The following MYOZ2 variants were observed in gnomAD, a reference collection of about 807,000 sequenced individuals.
MYOZ2 encodes the protein myozenin-2.
Under a neutral mutation model 25.4 loss-of-function variants are expected in MYOZ2, and 19 were observed. The observed-to-expected ratio is 0.75, with a 90% CI of 0.52 to 1.10. The LOEUF (loss-of-function observed/expected upper bound fraction) is 1.10. MYOZ2 is among the 50% of genes least tolerant of loss of function. The probability of loss-of-function intolerance (pLI) is 0.00; values close to 1 mark genes in which losing one functional copy is unlikely to be tolerated. For synonymous variants in MYOZ2, 92 were observed against 106.9 expected, an observed-to-expected ratio of 0.86 and a Z score of 0.86; for missense variants, 270 against 317.9, an observed-to-expected ratio of 0.85 and a Z score of 1.15.
At chr4:119,159,821 T>A (rs1415210170) in intron 4 of MYOZ2, among the ~76,000 whole-genome samples, 1 of 152,102 alleles carries the variant, frequency 6.6e-6, no homozygotes, top group Non-Finnish European at 1.5e-5. Context: ...ATGAGCACGA[T>A]GAGAAAAACT....
At chr4:119,183,670 A>G (rs1297323857) in intron 5 of MYOZ2, among the ~76,000 whole-genome samples, 1 of 152,122 alleles carries the variant, frequency 6.6e-6, no homozygotes, top group Non-Finnish European at 1.5e-5. Context: ...TTTTAATCCA[A>G]TTTATCAGCA....
intron 4 of MYOZ2, 55 bp downstream of exon 4, chr4:119,158,206 G>T: frequency 6.3e-7 from 1 of 1,589,386 alleles, no homozygotes; most frequent in South Asian, 1.1e-5. Context: ...CTAATGATAT[G>T]ACTCAAGGCA....
chr4:119,184,509 C>G (rs1742253965), intron 5 of MYOZ2, among the ~76,000 whole-genome samples: 1 of 152,186 alleles, frequency 6.6e-6, no homozygotes, highest in Non-Finnish European at 1.5e-5. Context: ...GTGATTCTAT[C>G]TGAAATAACT....
At chr4:119,143,951 T>C (rs547300135) in intron 2 of MYOZ2, among the ~76,000 whole-genome samples, 1 of 152,360 alleles carries the variant, frequency 6.6e-6, no homozygotes, top group East Asian at 1.9e-4. Flanking sequence ...TGTTAAGATG[T>C]AATACAGGGC....
rs576994942 is a variant in MYOZ2 at position 119,160,135 on chromosome 4, C to T, written c.376+1984C>T. On this transcript the variant is annotated intron_variant, in intron 4 of 5. Coordinates refer to ENST00000307128, the MANE Select transcript of MYOZ2 (RefSeq NM_016599.5). Reference sequence around the variant, plus strand: ...ATCTGTAAAATAGAGAAAGAAATCTCGCTTTACAGGGTCACTGTGCAAAGT... The same window carrying T: ...ATCTGTAAAATAGAGAAAGAAATCTTGCTTTACAGGGTCACTGTGCAAAGT... Among the ~76,000 whole-genome samples, 55 of 152,246 alleles carry T rather than the reference C, an allele frequency of 3.6e-4. No homozygotes were observed. In the South Asian group the frequency reaches 0.011, roughly 31 times the overall value.
At chr4:119,144,486 G>A (rs1035850038) in intron 2 of MYOZ2, among the ~76,000 whole-genome samples, 1 of 152,086 alleles carries the variant, frequency 6.6e-6, no homozygotes, top group African/African-American at 2.4e-5. Flanking sequence ...AGTATTGCAG[G>A]GTAGTTCTGC....
intron 2 of MYOZ2, among the ~76,000 whole-genome samples, chr4:119,147,168 T>A (rs1436428617): frequency 6.6e-6 from 1 of 152,208 alleles, no homozygotes; most frequent in Admixed American, 6.5e-5. Context: ...CAATCTGACA[T>A]CAATTGATGT....
intron 5 of MYOZ2, among the ~76,000 whole-genome samples, chr4:119,167,362 G>A (rs1741845595): frequency 6.6e-6 from 1 of 152,184 alleles, no homozygotes; most frequent in Non-Finnish European, 1.5e-5. Context: ...ACTTTATGAA[G>A]GCTTAGAGAG....
rs148393796 is a variant in MYOZ2 at position 119,148,143 on chromosome 4, T to C, written c.77-2729T>C. Among the ~76,000 whole-genome samples, 11 of 152,328 alleles carry C rather than the reference T, an allele frequency of 7.2e-5. No homozygotes were observed. The East Asian group carries it at 2.1e-3, about 29-fold the overall frequency. ...TGGGATTCTGGGTTGACAATTCTTT[T>C]CTTGCAGCACCTAGAAAAATATGGT... On this transcript the variant is annotated intron_variant, in intron 2 of 5. Coordinates refer to ENST00000307128, the MANE Select transcript of MYOZ2 (RefSeq NM_016599.5).
chr4:119,147,918 A>G (rs1025657256), intron 2 of MYOZ2, among the ~76,000 whole-genome samples: 1 of 152,124 alleles, frequency 6.6e-6, no homozygotes, highest in Admixed American at 6.5e-5. Flanking sequence ...GTATATAGCT[A>G]TATTTCTGCT....
At position 119,187,483 on chromosome 4, in the gene MYOZ2, G is replaced by A. The variant is rs1742329882; in HGVS notation, c.*1283G>A. The stretch of plus-strand genomic sequence containing the variant: ...AAAAATCTGTGTTTGTAGTGTGGAA[G>A]TTGGTGACTGTTTTAATCATCATCT... On this transcript the variant is annotated 3_prime_UTR_variant, in exon 6 of 6. Transcript: ENST00000307128. 6.6e-6 allele frequency: 1 copy of A among 152,060 alleles called. No individual in the cohort carries two copies. Among genetic ancestry groups the A allele is most frequent in the Non-Finnish European group, 1.5e-5 (1 of 67,988 alleles). 9.4% of individuals were successfully genotyped at this position (152,060 alleles called of 1,614,324 possible). A position where few individuals can be genotyped will look rare whatever the true frequency, so the allele number is the denominator to read the frequency against.
Position 119,187,105 on chromosome 4 carries a change from T to C in MYOZ2, c.*905T>C, listed in dbSNP as rs1742307084. ...AATTCTGTTAAGATCCTCAAGTAACTGGGGAGTACATGCTTTAGGACACAA... is the reference window on the plus strand; with the variant it reads ...AATTCTGTTAAGATCCTCAAGTAACCGGGGAGTACATGCTTTAGGACACAA... On this transcript the variant is annotated 3_prime_UTR_variant, in exon 6 of 6. Transcript: ENST00000307128. 6.6e-6 allele frequency: 1 copy of C among 152,174 alleles called. No homozygotes were observed. Among genetic ancestry groups the C allele is most frequent in the Non-Finnish European group, 1.5e-5 (1 of 68,016 alleles). 9.4% of individuals were successfully genotyped at this position (152,174 alleles called of 1,614,324 possible).
At chr4:119,158,287 C>A in intron 4 of MYOZ2, 136 bp downstream of exon 4, 2 of 1,212,182 alleles carry the variant, frequency 1.6e-6, no homozygotes, top group Non-Finnish European at 2.3e-6. Flanking sequence ...GGGCCCCAGG[C>A]ACGGTGGCTC....
intron 5 of MYOZ2, among the ~76,000 whole-genome samples, chr4:119,173,821 C>T (rs562466569): frequency 8.5e-5 from 13 of 152,308 alleles, no homozygotes; most frequent in East Asian, 3.9e-4. Flanking sequence ...CTGCGTGGGA[C>T]GCTTGCTGGC....
At position 119,139,376 on chromosome 4, in the gene MYOZ2, CAA is replaced by C. The variant is rs1158007916; in HGVS notation, c.76+2778_76+2779del. ...ATCTAACAAGTGCTATTGTAAAAGA[CAA>C]AAGATAATTTGCCATTATCTATGCA... On this transcript the variant is annotated intron_variant, in intron 2 of 5. Transcript: ENST00000307128. Among the ~76,000 whole-genome samples the C allele has an allele frequency of 7.2e-5, 11 of 152,244 alleles. No homozygotes were observed. In the East Asian group the frequency reaches 2.1e-3, roughly 29 times the overall value.
At chr4:119,163,690 ATCT>A (rs1176945206) in intron 4 of MYOZ2, among the ~76,000 whole-genome samples, 2 of 152,180 alleles carry the variant, frequency 1.3e-5, no homozygotes, top group African/African-American at 4.8e-5. Flanking sequence ...AAGTTACTTC[ATCT>A]TCTTGAAGCT....
At chr4:119,170,052 A>G (rs1028186127) in intron 5 of MYOZ2, among the ~76,000 whole-genome samples, 2 of 152,144 alleles carry the variant, frequency 1.3e-5, no homozygotes, top group African/African-American at 4.8e-5. Flanking sequence ...CACTTTAAGC[A>G]TACAGTTCAG....
chr4:119,160,240 A>G (rs1206323162), intron 4 of MYOZ2, among the ~76,000 whole-genome samples: 6 of 152,120 alleles, frequency 3.9e-5, no homozygotes, highest in Admixed American at 1.3e-4. Flanking sequence ...CCACCTTTAC[A>G]TCCTTCTTAT....
chr4:119,147,612 C>T (rs1389159857), intron 2 of MYOZ2, among the ~76,000 whole-genome samples: 1 of 151,760 alleles, frequency 6.6e-6, no homozygotes, highest in Admixed American at 6.6e-5. Context: ...GTGGTGGTGG[C>T]AGGCACTTGT....
Sources: gnomAD v4.1 joint callset for allele counts (sites outside exome capture counted in the v4.1 genomes callset) on GRCh38, gnomAD v4.1.1 for gene constraint, MANE v1.5 for transcripts, NCBI Gene and HGNC (gene_info 2026-07-23, HGNC 2026-07-21) for gene names.